The following LTBP2 variants were observed in gnomAD, a reference collection of about 807,000 sequenced individuals.
LTBP2 encodes the protein latent transforming growth factor beta binding protein 2.
In LTBP2, 103 loss-of-function variants were observed where a neutral mutation model predicts 210.6. The observed-to-expected ratio is 0.49, with a 90% CI of 0.42 to 0.58. The LOEUF is 0.58. Among genes scored for constraint, LTBP2 ranks in the 20% least tolerant of loss-of-function variants. The pLI is 0.00. For synonymous variants in LTBP2, 1,007 were observed against 1,015.0 expected (o/e 0.99, Z 0.15); for missense variants, 2,313 against 2,494.5 (o/e 0.93, Z 1.55).
chr14:74,560,868 T>A (rs1020439181), intron 3 of LTBP2, among the ~76,000 whole-genome samples: 1 of 152,252 alleles, frequency 6.6e-6, no homozygotes, highest in African/African-American at 2.4e-5. Context: ...TATGGGAGCA[T>A]GTGCGTAGCT....
intron 8 of LTBP2, among the ~76,000 whole-genome samples, chr14:74,545,461 AGATACAGAGGGCCCTGG>A (rs1481446997): frequency 6.6e-6 from 1 of 152,198 alleles, no homozygotes; most frequent in Non-Finnish European, 1.5e-5. Flanking sequence ...TTCTCCCTGG[AGATACAGAGGGCCCTGG>A]GTTCAGAGGT....
chr14:74,532,529 G>A lies in LTBP2; in HGVS notation c.1884C>T (p.Thr628=), dbSNP rs199859285. 3 of 1,614,144 alleles carry A rather than the reference G, an allele frequency of 1.9e-6. No individual in the cohort carries two copies. In the African/African-American group the frequency reaches 4.0e-5, roughly 22 times the overall value. ...ACTCCGCGTCCTTGCACAGGCCCAG[G>A]GTCAAGCACTCGTTGATATCTGCAG... ...THCQDINECL[T]LGLCKDAECV... The change falls in exon 10 of 36, where the codon ACC becomes ACT. Residue 628 remains threonine (T), a synonymous_variant. Transcript: ENST00000261978.
chr14:74,517,421 T>C (rs892603550), intron 17 of LTBP2, among the ~76,000 whole-genome samples: 2 of 152,018 alleles, frequency 1.3e-5, no homozygotes, highest in African/African-American at 2.4e-5. Flanking sequence ...TGGCGCCATC[T>C]TGACTCACTG....
chr14:74,588,505 G>A (rs2088239366), intron 2 of LTBP2, among the ~76,000 whole-genome samples: 1 of 152,158 alleles, frequency 6.6e-6, no homozygotes, highest in African/African-American at 2.4e-5. Flanking sequence ...ACAGGTGTGA[G>A]CCGCCGCACG....
At chr14:74,600,737 G>GC (rs1270900119) in intron 2 of LTBP2, among the ~76,000 whole-genome samples, 2 of 152,034 alleles carry the variant, frequency 1.3e-5, no homozygotes, top group African/African-American at 4.8e-5. Flanking sequence ...CCCAACAAAG[G>GC]CTAAGCTCTC....
chr14:74,549,837 A>AC, intron 8 of LTBP2, 26 bp downstream of exon 8: 2 of 1,587,716 alleles, frequency 1.3e-6, no homozygotes, highest in Non-Finnish European at 1.7e-6. Flanking sequence ...CCTCCACAAC[A>AC]CGTGACCTTG....
At position 74,586,166 on chromosome 14, in the gene LTBP2, G is replaced by A; in HGVS notation, c.566-48C>T. 6.4e-7 allele frequency: 1 copy of A among 1,553,244 alleles called. No individual in the cohort carries two copies. Among genetic ancestry groups the A allele is most frequent in the Non-Finnish European group, 8.7e-7 (1 of 1,147,920 alleles). ...GACAGCAGTGGCCATAGGGCACTGAGACCACAGCTGCCCACACCTTCCTGT... is the reference window on the plus strand; with the variant it reads ...GACAGCAGTGGCCATAGGGCACTGAAACCACAGCTGCCCACACCTTCCTGT... On this transcript the variant is annotated intron_variant, in intron 2 of 35. Coordinates refer to ENST00000261978, the MANE Select transcript of LTBP2 (RefSeq NM_000428.3). This position sits in a 1 kb window ranked among gnomAD's most constrained non-coding sequence, Gnocchi z 4.6.
chr14:74,574,445 A>C (rs574756139), intron 3 of LTBP2, among the ~76,000 whole-genome samples: 58 of 152,330 alleles, frequency 3.8e-4, no homozygotes, highest in African/African-American at 1.4e-3. Flanking sequence ...ATTGACCAAA[A>C]GACATTTGTA....
At chr14:74,510,344 G>A in intron 19 of LTBP2, 131 bp from the exon 20 acceptor site, 1 of 1,287,622 alleles carries the variant, frequency 7.8e-7, no homozygotes, top group South Asian at 1.3e-5. Context: ...CACCTGGGGA[G>A]GCCATGAGGC....
intron 3 of LTBP2, among the ~76,000 whole-genome samples, chr14:74,558,309 C>A (rs542490728): frequency 6.6e-6 from 1 of 152,302 alleles, no homozygotes; most frequent in South Asian, 2.1e-4. Context: ...GCACGAGAAT[C>A]GCTTGAACCC....
At chr14:74,603,381 C>T (rs1407335526) in intron 2 of LTBP2, among the ~76,000 whole-genome samples, 1 of 152,202 alleles carries the variant, frequency 6.6e-6, no homozygotes, top group Non-Finnish European at 1.5e-5. Context: ...CCCACCTTGG[C>T]CTCCCAAAGT....
In LTBP2 at chr14:74,502,904, C is replaced by T. The variant is rs751200478; in HGVS notation, c.4919G>A (p.Arg1640His). The stretch of plus-strand genomic sequence containing the variant: ...CCCGGCCTCCCGCTCTGCCTCAATG[C>T]GAGCCACGTTGCACAGCTGAGCATA... ...EVYAQLCNVA[R>H]IEAEREAGVH... The change falls in exon 34 of 36, where the codon CGC (arginine) becomes CAC (histidine). Residue 1640 changes from arginine to histidine, a missense_variant. Physicochemically the swap from Arg to His is conservative, Grantham distance 29 (BLOSUM62 0). Coordinates refer to ENST00000261978, the MANE Select transcript of LTBP2 (RefSeq NM_000428.3). 5.3e-5 allele frequency: 86 copies of T among 1,612,624 alleles called. No individual in the cohort carries two copies. Among genetic ancestry groups the T allele is most frequent in the East Asian group, 1.1e-4 (5 of 44,896 alleles).
rs759508243 is a variant in LTBP2, at chr14:74,503,880, T to A, written c.4582+46A>T. 6 of 1,612,040 alleles carry A rather than the reference T, an allele frequency of 3.7e-6. No individual in the cohort carries two copies. In the South Asian group the frequency reaches 5.5e-5, roughly 15 times the overall value. On this transcript the variant is annotated intron_variant, in intron 31 of 35. Coordinates refer to ENST00000261978, the MANE Select transcript of LTBP2 (RefSeq NM_000428.3). ...TGGCAGGGGCTGGGTGGGCCATTAT[T>A]CAGCTGTGGGCCTGGGGTGGGGGCA...
In LTBP2 at chr14:74,500,789, T is replaced by C. The variant is rs1392208638; in HGVS notation, c.*95A>G. ...GGCTGATTGGAAACCTCTGGCCTGA[T>C]GTCACGGTGTCTTCCCAGCTAGGAA... On this transcript the variant is annotated 3_prime_UTR_variant, in exon 36 of 36. Transcript: ENST00000261978. 1 of 1,529,266 alleles carries C rather than the reference T, an allele frequency of 6.5e-7. No individual in the cohort carries two copies. Among genetic ancestry groups the C allele is most frequent in the Non-Finnish European group, 9.0e-7 (1 of 1,106,724 alleles). 94.7% of individuals were successfully genotyped at this position (1,529,266 alleles called of 1,614,324 possible). A position where few individuals can be genotyped will look rare whatever the true frequency, so the allele number is the denominator to read the frequency against.
At chr14:74,556,167 T>C (rs1186333115) in intron 3 of LTBP2, among the ~76,000 whole-genome samples, 1 of 152,222 alleles carries the variant, frequency 6.6e-6, no homozygotes. Flanking sequence ...CCTTCAAGAT[T>C]GATTCAGGGC....
chr14:74,516,861 C>G lies in LTBP2; in HGVS notation c.2869G>C (p.Asp957His). 1 of 1,551,942 alleles carries G rather than the reference C, an allele frequency of 6.4e-7. No individual in the cohort carries two copies. Among genetic ancestry groups the G allele is most frequent in the Non-Finnish European group, 8.7e-7 (1 of 1,147,078 alleles). The change falls in exon 18 of 36, where the codon GAT (aspartate) becomes CAT (histidine). Residue 957 changes from aspartate (D) to histidine (H), a missense_variant. This residue lies in a region of LTBP2 where 1,867 missense variants were observed against 1,976.9 expected (regional missense o/e 0.94). Coordinates refer to ENST00000261978, the MANE Select transcript of LTBP2 (RefSeq NM_000428.3). ...NTEGSYHCEC[D>H]QGYIMVRKGH... ...TTCCTGACCATGATGTAGCCCTGAT[C>G]ACACTCGCAGTGGTACGAGCCCTCG...
chr14:74,521,292 G>C (rs12435044), intron 17 of LTBP2, among the ~76,000 whole-genome samples: 1 of 152,240 alleles, frequency 6.6e-6, no homozygotes, highest in African/African-American at 2.4e-5. Context: ...GTGTTGCTTA[G>C]AAAGTGCTGC....
intron 4 of LTBP2, among the ~76,000 whole-genome samples, chr14:74,554,329 T>C (rs879495927): frequency 1.5e-4 from 23 of 151,900 alleles, no homozygotes; most frequent in Admixed American, 1.5e-3. Flanking sequence ...CAAGACCCTA[T>C]CTCTACAAAA....
At chr14:74,551,448 A>T in intron 6 of LTBP2, 98 bp from the exon 7 acceptor site, 1 of 1,198,798 alleles carries the variant, frequency 8.3e-7, no homozygotes, top group Non-Finnish European at 1.1e-6. Flanking sequence ...CAGGCAGGCC[A>T]CTGGCTATGT....
Sources: allele counts gnomAD v4.1 joint callset (sites outside exome capture counted in the v4.1 genomes callset), GRCh38; gene constraint gnomAD v4.1.1; regional missense constraint gnomAD v4.1.1; non-coding constraint Gnocchi (gnomAD v3.1); transcripts MANE v1.5; gene names NCBI Gene and HGNC (gene_info 2026-07-23, HGNC 2026-07-21).